RBMS3: variants seen among roughly 807,000 people sequenced by gnomAD.
RBMS3 encodes the protein RNA-binding motif, single-stranded-interacting protein 3.
RBMS3 carries 27 observed loss-of-function variants against 66.8 expected under a neutral mutation model. The ratio of observed to expected loss-of-function variants is 0.40; its 90% CI spans 0.30 to 0.56. The LOEUF (loss-of-function observed/expected upper bound fraction) is 0.56. Among genes scored for constraint, RBMS3 ranks in the 20% least tolerant of loss-of-function variants. RBMS3 has a pLI of 0.40. For missense variants in RBMS3, 513 were observed against 549.5 expected, an observed-to-expected ratio of 0.93 and a Z score of 0.66; for synonymous variants, 188 against 183.0, an observed-to-expected ratio of 1.03 and a Z score of -0.22.
chr3:29,937,587 T>G (rs1296289074), intron 11 of RBMS3, among the ~76,000 whole-genome samples: 1 of 152,004 alleles, frequency 6.6e-6, no homozygotes, highest in Middle Eastern at 3.2e-3. Context: ...TGCCTATCAC[T>G]AAGATCTCAG....
chr3:29,486,838 A>T (rs945991497), intron 2 of RBMS3, among the ~76,000 whole-genome samples: 2 of 152,162 alleles, frequency 1.3e-5, no homozygotes. Context: ...AAATTTCAGG[A>T]ACACCTTTAT....
chr3:29,361,433 G>C (rs1253101358), intron 1 of RBMS3, among the ~76,000 whole-genome samples: 3 of 152,186 alleles, frequency 2.0e-5, no homozygotes, highest in African/African-American at 7.2e-5. Flanking sequence ...AGTCTGATGG[G>C]CTTCACTTTT....
rs570630716 is a variant in RBMS3, at chr3:29,461,898, C to G, written c.249-26543C>G. On this transcript the variant is annotated intron_variant, in intron 2 of 14. Coordinates refer to ENST00000383767, the MANE Select transcript of RBMS3 (RefSeq NM_001003793.3). Reference sequence around the variant, plus strand: ...CCTCCCAAGTAGCTGGGACTACAGGCACCCGCCACCATGCCCGGCTAATTT... The same window carrying G: ...CCTCCCAAGTAGCTGGGACTACAGGGACCCGCCACCATGCCCGGCTAATTT... Among the ~76,000 whole-genome samples the G allele has an allele frequency of 4.3e-3, 640 of 149,384 alleles. 5 individuals are homozygous for G. Among genetic ancestry groups the G allele is most frequent in the Middle Eastern group, 0.014 (4 of 290 alleles).
intron 6 of RBMS3, among the ~76,000 whole-genome samples, chr3:29,844,661 A>G (rs891027370): frequency 5.9e-5 from 9 of 152,228 alleles, no homozygotes; most frequent in Admixed American, 5.9e-4. Context: ...TTTTTGATTC[A>G]AACAATCCAG....
intron 10 of RBMS3, 57 bp from the exon 11 acceptor site, chr3:29,936,028 TA>T: frequency 7.2e-7 from 1 of 1,387,062 alleles, no homozygotes; most frequent in Non-Finnish European, 1.0e-6. Flanking sequence ...TGTTTATTTG[TA>T]AGAAGTCTCC....
In RBMS3 at chr3:29,281,523, A is replaced by C; in HGVS notation, c.-159A>C. On this transcript the variant is annotated 5_prime_UTR_variant, in exon 1 of 15. Transcript: ENST00000383767. ...TGTTTTTTGTTTTGTTTTGTTTTTT[A>C]AAAAAATTCTTGCTGTGTTGGAACT... 1 of 569,948 alleles carries C rather than the reference A, an allele frequency of 1.8e-6. No homozygotes were observed. 35.3% of individuals were successfully genotyped at this position (569,948 alleles called of 1,614,324 possible).
intron 1 of RBMS3, among the ~76,000 whole-genome samples, chr3:29,287,914 AT>A (rs967921743): frequency 7.9e-4 from 119 of 150,962 alleles, no homozygotes; most frequent in African/African-American, 2.7e-3. Context: ...TTTTGTTTTT[AT>A]TTTTTTTTAT....
rs764244017 is a variant in RBMS3, at chr3:29,809,559, A to G, written c.637+46570A>G. 2.6e-5 allele frequency among the ~76,000 whole-genome samples: 4 copies of G among 152,142 alleles called. No individual in the cohort carries two copies. In the East Asian group the frequency reaches 5.8e-4, roughly 22 times the overall value. On this transcript the variant is annotated intron_variant, in intron 6 of 14. Coordinates refer to ENST00000383767, the MANE Select transcript of RBMS3 (RefSeq NM_001003793.3). ...GCCAATGCCAATTTTCATTACTAAT[A>G]TTAAATTTTATCATATATTTGATTG...
chr3:29,907,366 C>A (rs2060405771), intron 10 of RBMS3, among the ~76,000 whole-genome samples: 1 of 152,004 alleles, frequency 6.6e-6, no homozygotes, highest in African/African-American at 2.4e-5. Flanking sequence ...CATTTTCTGG[C>A]CAAATGGCTT....
chr3:29,738,575 T>G (rs903784671), intron 4 of RBMS3, among the ~76,000 whole-genome samples: 1 of 152,218 alleles, frequency 6.6e-6, no homozygotes. Flanking sequence ...TGGTGCTGAA[T>G]TAGGAGATGA....
At chr3:29,724,411 T>C (rs1347601202) in intron 4 of RBMS3, among the ~76,000 whole-genome samples, 2 of 152,166 alleles carry the variant, frequency 1.3e-5, no homozygotes, top group East Asian at 3.8e-4. Context: ...TAGTATATCA[T>C]AACATTGAAT....
intron 2 of RBMS3, among the ~76,000 whole-genome samples, chr3:29,480,185 A>G (rs1317050648): frequency 6.6e-6 from 1 of 152,198 alleles, no homozygotes; most frequent in East Asian, 1.9e-4. Flanking sequence ...AAAGCATGAT[A>G]ATAAAGAAGA....
At position 29,498,080 on chromosome 3, in the gene RBMS3, C is replaced by T. The variant is rs1442721562; in HGVS notation, c.307+9581C>T. Among the ~76,000 whole-genome samples, 10 of 142,850 alleles carry T rather than the reference C, an allele frequency of 7.0e-5. 1 individual carries two copies. Among genetic ancestry groups the T allele is most frequent in the South Asian group, 4.5e-4 (2 of 4,416 alleles). The allele number at this position is 142,850 out of a possible 152,430, so 93.7% of individuals were successfully genotyped here. A position where few individuals can be genotyped will look rare whatever the true frequency, so the allele number is the denominator to read the frequency against. On this transcript the variant is annotated intron_variant, in intron 3 of 14. Coordinates refer to ENST00000383767, the MANE Select transcript of RBMS3 (RefSeq NM_001003793.3). ...TGCGATCTCAGTTCACCGCAACCTC[C>T]GCCTCCCGGGTTCAAACGATTCTCC...
intron 1 of RBMS3, among the ~76,000 whole-genome samples, chr3:29,354,134 T>C (rs1371430074): frequency 6.6e-6 from 1 of 152,150 alleles, no homozygotes; most frequent in Non-Finnish European, 1.5e-5. Flanking sequence ...CCCTTACTAT[T>C]TATTGATTAA....
At chr3:29,507,088 T>A (rs2044210202) in intron 3 of RBMS3, among the ~76,000 whole-genome samples, 1 of 149,422 alleles carries the variant, frequency 6.7e-6, no homozygotes, top group African/African-American at 2.4e-5. Flanking sequence ...TCTGCTCTGA[T>A]CTTTGTTTTT....
intron 1 of RBMS3, among the ~76,000 whole-genome samples, chr3:29,285,058 AG>A (rs1373995358): frequency 6.6e-6 from 1 of 151,056 alleles, no homozygotes; most frequent in East Asian, 1.9e-4. Context: ...TTAGAGAAAA[AG>A]GGCTCAAAAA....
chr3:29,348,588 T>A (rs1009140023), intron 1 of RBMS3, among the ~76,000 whole-genome samples: 4 of 142,786 alleles, frequency 2.8e-5, no homozygotes, highest in Non-Finnish European at 3.1e-5. Flanking sequence ...AAAAAAAAAA[T>A]CAAATCAAAA....
In RBMS3 at chr3:29,739,952, G is replaced by C. The variant is rs146428673; in HGVS notation, c.557+75G>C. ...AAATTCCATTCCTTTTTTAGTACTA[G>C]AGCCCAAAGCAATAGAATATGCAAA... On this transcript the variant is annotated intron_variant, in intron 5 of 14. Coordinates refer to ENST00000383767, the MANE Select transcript of RBMS3 (RefSeq NM_001003793.3). 5.1e-4 allele frequency: 565 copies of C among 1,114,038 alleles called. 2 individuals are homozygous for C. The African/African-American group carries it at 7.6e-3, about 15-fold the overall frequency. 69.0% of individuals were successfully genotyped at this position (1,114,038 alleles called of 1,614,324 possible).
rs1374674230 is a variant in RBMS3 at position 29,490,041 on chromosome 3, T to C, written c.307+1542T>C. ...CTGGGCTACAGGGCAAGACTCCCTCTCAAAAAAAAAAAAAAAAAAAAAAAG... is the reference window on the plus strand; with the variant it reads ...CTGGGCTACAGGGCAAGACTCCCTCCCAAAAAAAAAAAAAAAAAAAAAAAG... On this transcript the variant is annotated intron_variant, in intron 3 of 14. Coordinates refer to ENST00000383767, the MANE Select transcript of RBMS3 (RefSeq NM_001003793.3). Among the ~76,000 whole-genome samples the C allele has an allele frequency of 6.7e-5, 3 of 44,522 alleles. 1 individual carries two copies. Among genetic ancestry groups the C allele is most frequent in the African/African-American group, 3.2e-4 (3 of 9,456 alleles). 29.2% of individuals were successfully genotyped at this position (44,522 alleles called of 152,430 possible).
Sources: allele counts gnomAD v4.1 joint callset (sites outside exome capture counted in the v4.1 genomes callset), GRCh38; gene constraint gnomAD v4.1.1; transcripts MANE v1.5; gene names NCBI Gene and HGNC (gene_info 2026-07-23, HGNC 2026-07-21).